Variants in KRT78 observed in about 807,000 individuals in gnomAD.
KRT78 encodes the protein keratin 78.
KRT78 carries 55 observed loss-of-function variants against 51.4 expected under a neutral mutation model. That is an observed-to-expected ratio of 1.07 (90% confidence interval 0.86 to 1.34). The LOEUF (loss-of-function observed/expected upper bound fraction) is 1.34. Among genes scored for constraint, KRT78 ranks in the 40% most tolerant of loss-of-function variants. KRT78 has a pLI of 0.00. For missense variants in KRT78, 652 were observed against 649.4 expected (o/e 1.00, Z -0.04); for synonymous variants, 291 against 264.3 (o/e 1.10, Z -0.98).
intron 6 of KRT78, among the ~76,000 whole-genome samples, chr12:52,840,499 G>A (rs12227913): frequency 0.079 from 11,991 of 151,952 alleles, 1,118 homozygotes; most frequent in East Asian, 0.22. Flanking sequence ...TGAGGAGTTC[G>A]AGACAATCCT....
chr12:52,848,059 C>T lies in KRT78; in HGVS notation c.447G>A (p.Gln149=), dbSNP rs140599789. 3.1e-6 allele frequency: 5 copies of T among 1,614,096 alleles called. No homozygotes were observed. Among genetic ancestry groups the T allele is most frequent in the African/African-American group, 2.7e-5 (2 of 74,940 alleles). ...GGCCCTGCTGGCTGCCACTCAACCC[C>T]TGTTGCTGCAGCAGATGCCACTTCG... The part of the protein sequence containing the change: ...LETKWHLLQQ[Q]GLSGSQQGLE... The change falls in exon 2 of 9, where the codon CAG becomes CAA. Residue 149 remains glutamine, a synonymous_variant. Coordinates refer to ENST00000304620, the MANE Select transcript of KRT78 (RefSeq NM_173352.4).
rs570816996 is a variant in KRT78 at position 52,838,937 on chromosome 12, G to T, written c.*176C>A. ...CACAGCTTTTGTTTTGCTGGGTGAG[G>T]TGTGCAAGCACTTAGAGCATTCAGA... On this transcript the variant is annotated 3_prime_UTR_variant, in exon 9 of 9. Coordinates refer to ENST00000304620, the MANE Select transcript of KRT78 (RefSeq NM_173352.4). The T allele has an allele frequency of 2.8e-6, 2 of 717,806 alleles. No individual in the cohort carries two copies. The highest frequency in any genetic ancestry group is 3.8e-5 in the South Asian group (2 of 52,358). 44.5% of individuals were successfully genotyped at this position (717,806 alleles called of 1,614,324 possible). A position where few individuals can be genotyped will look rare whatever the true frequency, so the allele number is the denominator to read the frequency against.
chr12:52,844,183 C>A lies in KRT78; in HGVS notation c.957G>T (p.Gly319=), dbSNP rs771177509. 7 of 1,609,634 alleles carry A rather than the reference C, an allele frequency of 4.3e-6. No homozygotes were observed. The highest frequency in any genetic ancestry group is 5.1e-6 in the Non-Finnish European group (6 of 1,178,824). Reference sequence around the variant, plus strand: ...GGACTTTCGTTTCCTGCATCCTGTCCCCATGAAGCTGGGCAGACACCTGAA... The same window carrying A: ...GGACTTTCGTTTCCTGCATCCTGTCACCATGAAGCTGGGCAGACACCTGAA... ...QELQVSAQLH[G]DRMQETKVQI... The change falls in exon 6 of 9, where the codon GGG becomes GGT. Residue 319 remains glycine, a synonymous_variant. Coordinates refer to ENST00000304620, the MANE Select transcript of KRT78 (RefSeq NM_173352.4).
At chr12:52,848,491 G>A in intron 1 of KRT78, 56 bp downstream of exon 1, 2 of 1,593,586 alleles carry the variant, frequency 1.3e-6, no homozygotes, top group South Asian at 1.2e-5. Flanking sequence ...AGTCCATCAA[G>A]AGCAGCTCCT....
At position 52,848,709 on chromosome 12, in the gene KRT78, C is replaced by T. The variant is rs1035875915; in HGVS notation, c.222G>A (p.Gly74=). 3 of 1,612,358 alleles carry T rather than the reference C, an allele frequency of 1.9e-6. No individual in the cohort carries two copies. Among genetic ancestry groups the T allele is most frequent in the East Asian group, 2.2e-5 (1 of 44,866 alleles). Residue 74 remains glycine, a synonymous_variant, in exon 1 of 9, where the codon GGG becomes GGA. Coordinates refer to ENST00000304620, the MANE Select transcript of KRT78 (RefSeq NM_173352.4). The stretch of plus-strand genomic sequence containing the variant: ...TGCCCCCCGGAGGGCACAGGGAGAG[C>T]CCAGGCCCACCACTCCACTCCCCAA... The part of the protein sequence containing the change: ...VRFGEWSGGP[G]LSLCPPGGIQ...
intron 6 of KRT78, among the ~76,000 whole-genome samples, chr12:52,842,888 C>G (rs1256553965): frequency 6.7e-6 from 1 of 149,064 alleles, no homozygotes; most frequent in Non-Finnish European, 1.5e-5. Context: ...GCACTCCAGT[C>G]CGGGCTGACA....
chr12:52,842,959 G>GAGAGAGAGAAAGGA (rs1299063277), intron 6 of KRT78, among the ~76,000 whole-genome samples: 17 of 53,758 alleles, frequency 3.2e-4, no homozygotes, highest in African/African-American at 5.8e-4. Flanking sequence ...GAGAGAGAGA[G>GAGAGAGAGAAAGGA]AGGAAGGAAG....
chr12:52,842,476 AG>A (rs1940520851), intron 6 of KRT78, among the ~76,000 whole-genome samples: 1 of 152,100 alleles, frequency 6.6e-6, no homozygotes, highest in Non-Finnish European at 1.5e-5. Flanking sequence ...CATCTACCTA[AG>A]GAGAAGTTAG....
chr12:52,846,728 T>C (rs752448479), intron 3 of KRT78, 36 bp downstream of exon 3: 1 of 1,591,538 alleles, frequency 6.3e-7, no homozygotes, highest in Non-Finnish European at 8.6e-7. Context: ...CAGTGGATGC[T>C]CAGAACGTAA....
intron 6 of KRT78, among the ~76,000 whole-genome samples, chr12:52,841,205 C>A (rs183575201): frequency 4.6e-5 from 7 of 152,156 alleles, no homozygotes; most frequent in Non-Finnish European, 8.8e-5. Flanking sequence ...TAATCTCTAC[C>A]GGGCGCGGTG....
intron 4 of KRT78, among the ~76,000 whole-genome samples, chr12:52,845,712 T>C (rs2120420437): frequency 6.6e-6 from 1 of 152,280 alleles, no homozygotes; most frequent in East Asian, 1.9e-4. Context: ...TCCCAGCACT[T>C]TGGGAGGCCG....
chr12:52,844,738 G>T lies in KRT78; in HGVS notation c.757-15C>A. 6.3e-7 allele frequency: 1 copy of T among 1,598,246 alleles called. No individual in the cohort carries two copies. The highest frequency in any genetic ancestry group is 8.5e-7 in the Non-Finnish European group (1 of 1,170,508). On this transcript the variant is annotated splice_polypyrimidine_tract_variant and intron_variant, in intron 4 of 8. Transcript: ENST00000304620. The stretch of plus-strand genomic sequence containing the variant: ...TGGCCCAGCTCCTGCAGGGAAGACA[G>T]ACTCAGTGTCCACTCACCCCCAGCT...
chr12:52,839,853 C>T lies in KRT78; in HGVS notation c.1179G>A (p.Leu393=). 1 of 1,614,082 alleles carries T rather than the reference C, an allele frequency of 6.2e-7. No homozygotes were observed. Among genetic ancestry groups the T allele is most frequent in the Non-Finnish European group, 8.5e-7 (1 of 1,180,020 alleles). Residue 393 remains leucine, a synonymous_variant, in exon 7 of 9, where the codon CTG becomes CTA. Transcript: ENST00000304620. ...RMAKQNLARL[L]CEYQELTSTK... is the part of the protein sequence containing the mutation. ...TGCTCGTCAGCTCCTGGTACTCGCA[C>T]AGCAGCCGGGCCAGGTTCTGCTTGG... is the stretch of plus-strand genomic sequence containing the variant.
At position 52,842,962 on chromosome 12, in the gene KRT78, G is replaced by GAGAGA. The variant is rs1565698736; in HGVS notation, c.1047+1130_1047+1131insTCTCT. 1.2e-3 allele frequency among the ~76,000 whole-genome samples: 30 copies of GAGAGA among 25,232 alleles called. 1 individual carries two copies. Among genetic ancestry groups the GAGAGA allele is most frequent in the African/African-American group, 4.9e-3 (26 of 5,340 alleles). The allele number at this position is 25,232 out of a possible 152,430, so 16.6% of individuals were successfully genotyped here. ...AAGAGAGAGAGAGAGAGAGAGAGAG[G>GAGAGA]AAGGAAGGAAGGAAGGAAGGAAGGA... On this transcript the variant is annotated intron_variant, in intron 6 of 8. Coordinates refer to ENST00000304620, the MANE Select transcript of KRT78 (RefSeq NM_173352.4).
chr12:52,844,264 C>T (rs1411188176), intron 5 of KRT78, 46 bp from the exon 6 acceptor site: 1 of 1,544,342 alleles, frequency 6.5e-7, no homozygotes. Flanking sequence ...AGGACTGCCA[C>T]CTTTGACCAT....
chr12:52,840,967 T>A (rs1186932492), intron 6 of KRT78, among the ~76,000 whole-genome samples: 1 of 151,916 alleles, frequency 6.6e-6, no homozygotes, highest in Non-Finnish European at 1.5e-5. Context: ...CTAGTACAAC[T>A]CCTGTGCCAC....
In KRT78 at chr12:52,848,847, T is replaced by G. The variant is rs1439200258; in HGVS notation, c.84A>C (p.Gly28=). The change falls in exon 1 of 9, where the codon GGA becomes GGC. Residue 28 remains glycine (G), a synonymous_variant. Transcript: ENST00000304620. The part of the protein sequence containing the change: ...CSARSRGRSR[G]GFSSRGGFSS... ...TGAAGCCGCCCCTGCTGCTGAAGCC[T>G]CCCCTGCTGCGGCCCCTTGAGCGAG... The G allele has an allele frequency of 6.2e-7, 1 of 1,612,436 alleles. No homozygotes were observed.
intron 6 of KRT78, among the ~76,000 whole-genome samples, chr12:52,840,677 A>T (rs1940473750): frequency 6.6e-6 from 1 of 152,172 alleles, no homozygotes; most frequent in Admixed American, 6.5e-5. Flanking sequence ...ACTGCACTCC[A>T]GCCTGGCAAC....
chr12:52,843,496 C>A (rs1206616332), intron 6 of KRT78, among the ~76,000 whole-genome samples: 2 of 151,200 alleles, frequency 1.3e-5, no homozygotes, highest in Non-Finnish European at 2.9e-5. Flanking sequence ...TTGAGACCAG[C>A]CTGGCCAACA....
Sources: allele counts gnomAD v4.1 joint callset (sites outside exome capture counted in the v4.1 genomes callset), GRCh38; gene constraint gnomAD v4.1.1; transcripts MANE v1.5; gene names NCBI Gene and HGNC (gene_info 2026-07-23, HGNC 2026-07-21).